The following SMARCC1 variants were observed in gnomAD, a reference collection of about 807,000 sequenced individuals.
SMARCC1 encodes the protein SWI/SNF related BAF chromatin remodeling complex subunit C1.
In SMARCC1, 43 loss-of-function variants were observed where a neutral mutation model predicts 147.4. That is an observed-to-expected ratio of 0.29 (90% CI 0.23 to 0.38). The LOEUF (loss-of-function observed/expected upper bound fraction) is 0.38, where lower values mean the gene tolerates loss of function less well. SMARCC1 is among the 10% of genes least tolerant of loss of function. SMARCC1 has a pLI of 1.00. For missense variants in SMARCC1, 1,119 were observed against 1,381.1 expected (o/e 0.81, Z 3.01); for synonymous variants, 495 against 484.4 (o/e 1.02, Z -0.29).
intron 10 of SMARCC1, 27 bp downstream of exon 10, chr3:47,706,382 C>A: frequency 1.3e-6 from 2 of 1,486,856 alleles, no homozygotes; most frequent in Non-Finnish European, 1.8e-6. Context: ...TGTTTTAATG[C>A]CCTTTGAATC....
chr3:47,776,123 G>C (rs1032029588), intron 1 of SMARCC1, among the ~76,000 whole-genome samples: 8 of 152,154 alleles, frequency 5.3e-5, no homozygotes, highest in African/African-American at 1.9e-4. Context: ...ACTCAAGCCT[G>C]GGTGACAAAG....
intron 15 of SMARCC1, 55 bp downstream of exon 15, chr3:47,680,382 A>C: frequency 8.5e-7 from 1 of 1,181,624 alleles, no homozygotes; most frequent in Non-Finnish European, 1.3e-6. Context: ...GGATGCTTGA[A>C]GAGCCCCTAC....
intron 14 of SMARCC1, among the ~76,000 whole-genome samples, chr3:47,682,668 T>G (rs769710800): frequency 6.6e-6 from 1 of 152,222 alleles, no homozygotes. Context: ...ACTCACTATT[T>G]TGGAATAATT....
intron 24 of SMARCC1, among the ~76,000 whole-genome samples, chr3:47,630,621 C>T (rs1021361842): frequency 6.6e-6 from 1 of 152,144 alleles, no homozygotes; most frequent in Non-Finnish European, 1.5e-5. Flanking sequence ...GCAAAATAAT[C>T]AAATGGGCTA....
At chr3:47,625,937 C>T (rs1462851297) in intron 24 of SMARCC1, among the ~76,000 whole-genome samples, 6 of 151,860 alleles carry the variant, frequency 4.0e-5, no homozygotes, top group East Asian at 1.9e-4. Flanking sequence ...GCAGAAGAAT[C>T]GCCTGAGGCC....
rs758269285 is a variant in SMARCC1 at position 47,781,636 on chromosome 3, C to G, written c.162G>C (p.Ser54=). The G allele has an allele frequency of 1.7e-5, 26 of 1,555,194 alleles. No individual in the cohort carries two copies. Among genetic ancestry groups the G allele is most frequent in the Non-Finnish European group, 2.3e-5 (26 of 1,155,038 alleles). The change falls in exon 1 of 28, where the codon TCG becomes TCC. Residue 54 remains serine (S), a synonymous_variant. Transcript: ENST00000254480. ...AGTGCTTGCCCAGCCAGACCCGCAC[C>G]GAATCCAGCTGGGACACCGTCTCCG... ...ESPETVSQLD[S]VRVWLGKHYK...
intron 19 of SMARCC1, among the ~76,000 whole-genome samples, chr3:47,665,097 T>C (rs1016656147): frequency 6.6e-6 from 1 of 152,148 alleles, no homozygotes; most frequent in African/African-American, 2.4e-5. Flanking sequence ...CCTCCCAAAG[T>C]GCTGAGATTA....
chr3:47,597,547 C>T (rs1174167470), intron 26 of SMARCC1, among the ~76,000 whole-genome samples: 1 of 152,044 alleles, frequency 6.6e-6, no homozygotes, highest in Non-Finnish European at 1.5e-5. Flanking sequence ...AGGATGGTCT[C>T]GATTTCCTGA....
intron 10 of SMARCC1, among the ~76,000 whole-genome samples, chr3:47,703,477 C>G (rs112393190): frequency 0.017 from 2,545 of 150,498 alleles, 84 homozygotes; most frequent in African/African-American, 0.059. Flanking sequence ...TTTTTTCTGC[C>G]AAAGAGCAAG....
chr3:47,751,532 C>T (rs2034629010), intron 2 of SMARCC1, among the ~76,000 whole-genome samples: 1 of 150,308 alleles, frequency 6.7e-6, no homozygotes, highest in South Asian at 2.1e-4. Context: ...CAGAGCAAGA[C>T]TCTGTCTCAA....
At chr3:47,650,375 A>G (rs1305169555) in intron 21 of SMARCC1, among the ~76,000 whole-genome samples, 1 of 151,022 alleles carries the variant, frequency 6.6e-6, no homozygotes, top group Non-Finnish European at 1.5e-5. Context: ...AAAAAGTTGA[A>G]CCTAACTAGT....
chr3:47,695,790 C>T (rs561332798), intron 11 of SMARCC1, among the ~76,000 whole-genome samples: 13 of 133,268 alleles, frequency 9.8e-5, no homozygotes, highest in South Asian at 2.4e-4. Flanking sequence ...AAAAGTTGGA[C>T]GCAGTGTGGC....
chr3:47,725,292 A>G (rs1184308242), intron 6 of SMARCC1, among the ~76,000 whole-genome samples: 2 of 152,064 alleles, frequency 1.3e-5, no homozygotes, highest in Non-Finnish European at 2.9e-5. Flanking sequence ...AAGAGAGTAG[A>G]CTGCTGGTTG....
At chr3:47,688,292 A>T (rs965935279) in intron 13 of SMARCC1, among the ~76,000 whole-genome samples, 20 of 116,266 alleles carry the variant, frequency 1.7e-4, no homozygotes, top group African/African-American at 6.0e-4. Flanking sequence ...TGGCTCTTTG[A>T]CTAAATAACT....
chr3:47,696,296 TC>T (rs2033851191), intron 11 of SMARCC1, among the ~76,000 whole-genome samples: 1 of 150,384 alleles, frequency 6.6e-6, no homozygotes, highest in Admixed American at 6.6e-5. Context: ...ATCACTAGAA[TC>T]CTGGGGGCTG....
chr3:47,747,488 T>TATAAATATAAATATAAATATAAATATAAA (rs1576429585), intron 2 of SMARCC1, among the ~76,000 whole-genome samples: 2 of 149,568 alleles, frequency 1.3e-5, no homozygotes, highest in South Asian at 2.1e-4. Flanking sequence ...AATATAAAAA[T>TATAAATATAAATATAAATATAAATATAAA]TAGCCAGGCA....
chr3:47,780,513 T>C (rs2035033599), intron 1 of SMARCC1, among the ~76,000 whole-genome samples: 1 of 152,124 alleles, frequency 6.6e-6, no homozygotes, highest in Non-Finnish European at 1.5e-5. Flanking sequence ...CCATGCCTAA[T>C]AACTGCCAAA....
chr3:47,751,498 G>C (rs927155943), intron 2 of SMARCC1, among the ~76,000 whole-genome samples: 1 of 151,186 alleles, frequency 6.6e-6, no homozygotes, highest in African/African-American at 2.4e-5. Flanking sequence ...CTGAGATCAC[G>C]CCACTGCACT....
At chr3:47,714,382 T>C in intron 8 of SMARCC1, 33 bp downstream of exon 8, 1 of 1,337,994 alleles carries the variant, frequency 7.5e-7, no homozygotes, top group Non-Finnish European at 1.1e-6. Context: ...TTTAAAAAGA[T>C]TATTGTAAGA....
Sources: allele counts gnomAD v4.1 joint callset (sites outside exome capture counted in the v4.1 genomes callset), GRCh38; gene constraint gnomAD v4.1.1; transcripts MANE v1.5; gene names NCBI Gene and HGNC (gene_info 2026-07-23, HGNC 2026-07-21).